DRC5: variants seen among roughly 807,000 people sequenced by gnomAD.
The protein encoded by DRC5 is T-complex-associated testis-expressed protein 1.
the DRC5 span, among the ~76,000 whole-genome samples, chr6:44,283,694 C>T: frequency 2.0e-4 from 30 of 152,348 alleles, 1 homozygote; most frequent in African/African-American, 7.0e-4. Flanking sequence ...AAATAGAAAA[C>T]ATCAGCTGAT....
chr6:44,285,844 A>C, the DRC5 span: 2 of 974,584 alleles, frequency 2.1e-6, no homozygotes, highest in Non-Finnish European at 3.0e-6. Context: ...ATTAAAAAAC[A>C]CTTGGCCAAT....
chr6:44,296,242 T>TC, the DRC5 span, among the ~76,000 whole-genome samples: 1 of 152,230 alleles, frequency 6.6e-6, no homozygotes, highest in Non-Finnish European at 1.5e-5. Context: ...CCAGTGGGTC[T>TC]CCCACTTTCT....
At chr6:44,289,109 G>A in the DRC5 span, among the ~76,000 whole-genome samples, 444 of 134,292 alleles carry the variant, frequency 3.3e-3, no homozygotes, top group Non-Finnish European at 4.7e-3. Flanking sequence ...GCGATTTTGG[G>A]TCACTGCAAC....
chr6:44,284,836 C>A, the DRC5 span, among the ~76,000 whole-genome samples: 1 of 152,260 alleles, frequency 6.6e-6, no homozygotes, highest in Non-Finnish European at 1.5e-5. Context: ...GCAGTGATCT[C>A]CTAGGTAATC....
At chr6:44,294,054 C>T in the DRC5 span, among the ~76,000 whole-genome samples, 2 of 151,954 alleles carry the variant, frequency 1.3e-5, no homozygotes, top group African/African-American at 4.8e-5. Context: ...GCAATCTCAG[C>T]TCACCGCAAC....
chr6:44,283,064 A>G, the DRC5 span, among the ~76,000 whole-genome samples: 3 of 151,890 alleles, frequency 2.0e-5, no homozygotes, highest in Non-Finnish European at 4.4e-5. Flanking sequence ...AGCCTCCCAA[A>G]GTGCTGGGAA....
the DRC5 span, chr6:44,280,305 T>C: frequency 1.2e-6 from 2 of 1,614,232 alleles, no homozygotes; most frequent in Non-Finnish European, 1.7e-6. Context: ...GTACTCGCTT[T>C]CCTGGGCCAC....
At chr6:44,285,654 C>A in the DRC5 span, among the ~76,000 whole-genome samples, 27 of 152,182 alleles carry the variant, frequency 1.8e-4, no homozygotes, top group African/African-American at 6.5e-4. Flanking sequence ...GTGCCTTTAT[C>A]CCATCAGACT....
At chr6:44,282,699 G>T in the DRC5 span, 1 of 642,230 alleles carries the variant, frequency 1.6e-6, no homozygotes, top group Non-Finnish European at 2.7e-6. Context: ...CAGCATGGCA[G>T]AGTAGTGTAG....
the DRC5 span, among the ~76,000 whole-genome samples, chr6:44,289,485 C>T: frequency 0.036 from 5,490 of 152,138 alleles, 136 homozygotes; most frequent in Middle Eastern, 0.051. Context: ...TTGAGCCTAC[C>T]GTTTCAATGT....
At chr6:44,285,133 C>T in the DRC5 span, among the ~76,000 whole-genome samples, 2 of 152,198 alleles carry the variant, frequency 1.3e-5, no homozygotes, top group African/African-American at 2.4e-5. Context: ...CTGGAACGCT[C>T]CTCCCTCTGA....
the DRC5 span, chr6:44,282,677 G>T: frequency 1.3e-6 from 1 of 767,550 alleles, no homozygotes; most frequent in African/African-American, 1.7e-5. Flanking sequence ...TCTTGGAGGG[G>T]GCCAGGCCTA....
the DRC5 span, among the ~76,000 whole-genome samples, chr6:44,281,487 C>T: frequency 1.3e-5 from 2 of 152,196 alleles, no homozygotes; most frequent in Non-Finnish European, 2.9e-5. Context: ...TGGGTTCAAG[C>T]AATTCTCCTG....
the DRC5 span, chr6:44,282,400 G>A: frequency 6.2e-7 from 1 of 1,614,014 alleles, no homozygotes; most frequent in Admixed American, 1.7e-5. Context: ...AGCACACGCA[G>A]GCGGCTGTGG....
chr6:44,293,056 G>A, the DRC5 span, among the ~76,000 whole-genome samples: 2 of 152,160 alleles, frequency 1.3e-5, no homozygotes, highest in Non-Finnish European at 2.9e-5. Context: ...AGTTTGGTGA[G>A]TGAAAATATG....
chr6:44,286,544 G>A, the DRC5 span: 2 of 1,603,172 alleles, frequency 1.2e-6, no homozygotes, highest in Non-Finnish European at 1.7e-6. Context: ...TTTGGGAACA[G>A]AGGAAGGAGC....
chr6:44,286,697 A>T, the DRC5 span, among the ~76,000 whole-genome samples: 2 of 152,150 alleles, frequency 1.3e-5, no homozygotes, highest in African/African-American at 4.8e-5. Context: ...AGAGGGTGGG[A>T]CACAGCCTTT....
At chr6:44,292,432 T>C in the DRC5 span, among the ~76,000 whole-genome samples, 23,923 of 152,160 alleles carry the variant, frequency 0.16, 2,192 homozygotes, top group East Asian at 0.4. Context: ...TTCCAGTACC[T>C]GCATCACTCC....
chr6:44,294,136 C>G, the DRC5 span, among the ~76,000 whole-genome samples: 35 of 152,060 alleles, frequency 2.3e-4, no homozygotes, highest in Non-Finnish European at 3.2e-4. Flanking sequence ...GCATGCACCA[C>G]CACGGCTGGC....
Sources: allele counts gnomAD v4.1 joint callset (sites outside exome capture counted in the v4.1 genomes callset), GRCh38; gene constraint gnomAD v4.1.1; transcripts MANE v1.5; gene names NCBI Gene and HGNC (gene_info 2026-07-23, HGNC 2026-07-21).